CADM1: variants seen among roughly 807,000 people sequenced by gnomAD.
CADM1 encodes TSLC-1.
In CADM1, 15 loss-of-function variants were observed where a neutral mutation model predicts 53.1. The observed-to-expected ratio is 0.28, with a 90% CI of 0.19 to 0.44. The LOEUF (loss-of-function observed/expected upper bound fraction) is 0.44, where lower values mean the gene tolerates loss of function less well. Among genes scored for constraint, CADM1 ranks in the 20% least tolerant of loss-of-function variants. The pLI is 1.00. For missense variants in CADM1, 434 were observed against 611.3 expected (o/e 0.71, Z 3.06); for synonymous variants, 281 against 243.0 (o/e 1.16, Z -1.45).
chr11:115,258,826 G>T (rs998120060), intron 1 of CADM1, among the ~76,000 whole-genome samples: 50 of 152,068 alleles, frequency 3.3e-4, no homozygotes, highest in African/African-American at 1.1e-3. Context: ...TTTCAAATAG[G>T]AAGAGTCCTA....
chr11:115,324,221 C>T (rs1348862886), intron 1 of CADM1, among the ~76,000 whole-genome samples: 1 of 152,106 alleles, frequency 6.6e-6, no homozygotes, highest in Non-Finnish European at 1.5e-5. Flanking sequence ...CCTTAATGTA[C>T]CCGTAAAAGT....
intron 2 of CADM1, among the ~76,000 whole-genome samples, chr11:115,239,268 T>C (rs535824248): frequency 7.2e-5 from 11 of 152,308 alleles, no homozygotes; most frequent in African/African-American, 2.6e-4. Context: ...TCAACTTGGA[T>C]GCACCTTAAC....
At chr11:115,329,473 C>T (rs1945074518) in intron 1 of CADM1, among the ~76,000 whole-genome samples, 1 of 152,110 alleles carries the variant, frequency 6.6e-6, no homozygotes, top group Non-Finnish European at 1.5e-5. Flanking sequence ...AGGGGTGTGG[C>T]TCGTCTGTTG....
Position 115,176,175 on chromosome 11 carries a change from A to T in CADM1, c.*299T>A, listed in dbSNP as rs1939018121. On this transcript the variant is annotated 3_prime_UTR_variant, in exon 12 of 12. Coordinates refer to ENST00000331581, the MANE Select transcript of CADM1 (RefSeq NM_001301043.2). ...GGAACGCAACAAACAAACAAAAAAC[A>T]AGGCACAGAATTTTCTGCAATCTAC... 1 of 1,190,156 alleles carries T rather than the reference A, an allele frequency of 8.4e-7. No homozygotes were observed. Among genetic ancestry groups the T allele is most frequent in the African/African-American group, 1.6e-5 (1 of 63,090 alleles). The allele number at this position is 1,190,156 out of a possible 1,614,324, so 73.7% of individuals were successfully genotyped here.
At chr11:115,342,944 T>C (rs1945486017) in intron 1 of CADM1, among the ~76,000 whole-genome samples, 1 of 152,156 alleles carries the variant, frequency 6.6e-6, no homozygotes, top group Admixed American at 6.6e-5. Context: ...AAGAGGAAGA[T>C]AGCAATTTCA....
chr11:115,377,490 A>T (rs1415106970), intron 1 of CADM1: 1 of 152,230 alleles, frequency 6.6e-6, no homozygotes, highest in Non-Finnish European at 1.5e-5. Context: ...AATGTTTGCA[A>T]GAAACCACAA....
chr11:115,219,209 A>G (rs1941310874), intron 5 of CADM1, among the ~76,000 whole-genome samples: 1 of 152,184 alleles, frequency 6.6e-6, no homozygotes, highest in Admixed American at 6.5e-5. Context: ...TTAGCTCATT[A>G]ACATTCATCC....
intron 1 of CADM1, among the ~76,000 whole-genome samples, chr11:115,503,406 G>A (rs1448734025): frequency 6.6e-6 from 1 of 152,172 alleles, no homozygotes; most frequent in Non-Finnish European, 1.5e-5. Context: ...GTGCCCGCCT[G>A]GCCGCAGAGG....
At chr11:115,335,404 G>C (rs941646860) in intron 1 of CADM1, among the ~76,000 whole-genome samples, 1 of 152,062 alleles carries the variant, frequency 6.6e-6, no homozygotes, top group Non-Finnish European at 1.5e-5. Flanking sequence ...CATTCAATCT[G>C]TTGTGATCCA....
intron 1 of CADM1, among the ~76,000 whole-genome samples, chr11:115,398,553 T>C (rs1947060873): frequency 6.6e-6 from 1 of 152,200 alleles, no homozygotes; most frequent in Admixed American, 6.5e-5. Flanking sequence ...CTAGGCCAGA[T>C]AGCTAGATAA....
intron 1 of CADM1, among the ~76,000 whole-genome samples, chr11:115,453,737 G>A (rs1233599779): frequency 6.6e-6 from 1 of 152,096 alleles, no homozygotes; most frequent in Non-Finnish European, 1.5e-5. Context: ...GAGCTCAAGT[G>A]ATCTGCCCAC....
intron 1 of CADM1, among the ~76,000 whole-genome samples, chr11:115,253,586 C>T (rs1942678369): frequency 6.6e-6 from 1 of 152,110 alleles, no homozygotes; most frequent in African/African-American, 2.4e-5. Flanking sequence ...AAAATATACC[C>T]TTGAATGTAG....
At chr11:115,337,143 A>G (rs1208840307) in intron 1 of CADM1, among the ~76,000 whole-genome samples, 1 of 152,140 alleles carries the variant, frequency 6.6e-6, no homozygotes, top group Non-Finnish European at 1.5e-5. Context: ...CAAAGATGAA[A>G]TTCTTAATTC....
At chr11:115,497,306 T>C (rs1008113879) in intron 1 of CADM1, among the ~76,000 whole-genome samples, 1 of 152,174 alleles carries the variant, frequency 6.6e-6, no homozygotes. Context: ...CAGTAAAACA[T>C]CTACTAAAAG....
intron 1 of CADM1, among the ~76,000 whole-genome samples, chr11:115,494,980 G>A (rs1437051352): frequency 6.6e-6 from 1 of 152,110 alleles, no homozygotes; most frequent in Non-Finnish European, 1.5e-5. Context: ...ACAATTATGT[G>A]ATTACTAACA....
intron 1 of CADM1, among the ~76,000 whole-genome samples, chr11:115,384,620 G>A (rs1946655095): frequency 6.6e-6 from 1 of 152,308 alleles, no homozygotes; most frequent in Admixed American, 6.5e-5. Context: ...TACCTCTCTA[G>A]AGGATTAGCC....
At chr11:115,294,371 G>A (rs1196326749) in intron 1 of CADM1, among the ~76,000 whole-genome samples, 1 of 151,982 alleles carries the variant, frequency 6.6e-6, no homozygotes, top group African/African-American at 2.4e-5. Context: ...CCATTTTAAT[G>A]CAACTGAACT....
intron 1 of CADM1, among the ~76,000 whole-genome samples, chr11:115,267,816 C>T (rs559211568): frequency 4.6e-5 from 7 of 151,414 alleles, no homozygotes; most frequent in African/African-American, 7.3e-5. Flanking sequence ...GTTTAACCTC[C>T]GAGAAGGACA....
intron 1 of CADM1, among the ~76,000 whole-genome samples, chr11:115,467,134 G>A (rs531270543): frequency 5.0e-4 from 76 of 152,316 alleles, no homozygotes; most frequent in African/African-American, 1.6e-3. Context: ...GAGAGACCGG[G>A]TGAGAGCTTG....
Sources: allele counts gnomAD v4.1 joint callset (sites outside exome capture counted in the v4.1 genomes callset), GRCh38; gene constraint gnomAD v4.1.1; transcripts MANE v1.5; gene names NCBI Gene and HGNC (gene_info 2026-07-23, HGNC 2026-07-21).